SLC30A4: variants seen among roughly 807,000 people sequenced by gnomAD.
SLC30A4 encodes the protein probable proton-coupled zinc antiporter SLC30A4.
SLC30A4 carries 20 observed loss-of-function variants against 41.7 expected under a neutral mutation model. That is an observed-to-expected ratio of 0.48 (90% confidence interval 0.34 to 0.70). SLC30A4 has a LOEUF of 0.70. Among genes scored for constraint, SLC30A4 ranks in the 30% least tolerant of loss-of-function variants. The pLI, the probability that SLC30A4 is intolerant of heterozygous loss-of-function variation, is 0.01. For missense variants in SLC30A4, 441 were observed against 529.3 expected, an observed-to-expected ratio of 0.83 and a Z score of 1.64; for synonymous variants, 181 against 195.9, an observed-to-expected ratio of 0.92 and a Z score of 0.64.
intron 5 of SLC30A4, 116 bp downstream of exon 5, chr15:45,488,725 A>G (rs1354058516): frequency 2.7e-6 from 2 of 742,254 alleles, no homozygotes; most frequent in South Asian, 1.8e-5. Flanking sequence ...AACTTACATC[A>G]ATGTAAAATG....
intron 3 of SLC30A4, among the ~76,000 whole-genome samples, chr15:45,504,913 T>C (rs1892116294): frequency 1.3e-5 from 2 of 152,246 alleles, no homozygotes; most frequent in South Asian, 2.1e-4. Context: ...TTGCCTCTCA[T>C]GGGTCCTTGT....
At chr15:45,486,557 T>G in intron 7 of SLC30A4, 54 bp downstream of exon 7, 3 of 1,487,204 alleles carry the variant, frequency 2.0e-6, no homozygotes, top group Non-Finnish European at 2.7e-6. Context: ...GATGTTTAGT[T>G]TCAAAGGCAG....
At position 45,501,756 on chromosome 15, in the gene SLC30A4, T is replaced by C. The variant is rs560647624; in HGVS notation, c.538+9382A>G. ...AAGGGCTCAAGCAAACTTCCTACTATGGCCTCCCAAAATGCTGTGATTATA... is the reference window on the plus strand; with the variant it reads ...AAGGGCTCAAGCAAACTTCCTACTACGGCCTCCCAAAATGCTGTGATTATA... On this transcript the variant is annotated intron_variant, in intron 3 of 7. Coordinates refer to ENST00000261867, the MANE Select transcript of SLC30A4 (RefSeq NM_013309.6). 3.7e-4 allele frequency among the ~76,000 whole-genome samples: 56 copies of C among 152,264 alleles called. No homozygotes were observed. In the South Asian group the frequency reaches 0.011, roughly 31 times the overall value.
chr15:45,485,339 AT>A, intron 7 of SLC30A4, 22 bp from the exon 8 acceptor site: 1 of 1,544,358 alleles, frequency 6.5e-7, no homozygotes, highest in Non-Finnish European at 8.9e-7. Flanking sequence ...AGAAAATATC[AT>A]TACTATCCAT....
chr15:45,491,424 C>A (rs1891807940), intron 3 of SLC30A4, among the ~76,000 whole-genome samples: 1 of 152,148 alleles, frequency 6.6e-6, no homozygotes, highest in Non-Finnish European at 1.5e-5. Context: ...GAAAAAAGTA[C>A]ACTCAAAAGT....
In SLC30A4 at chr15:45,489,021, C is replaced by G; in HGVS notation, c.714G>C (p.Gln238His). The G allele has an allele frequency of 6.2e-7, 1 of 1,613,228 alleles. No homozygotes were observed. Among genetic ancestry groups the G allele is most frequent in the South Asian group, 1.1e-5 (1 of 90,952 alleles). Residue 238 changes from glutamine to histidine, a missense_variant, in exon 5 of 8, where the codon CAG becomes CAC. Gln to His is a conservative substitution (Grantham distance 24). Transcript: ENST00000261867. Reference sequence around the variant, plus strand: ...GGGAATGGGAGTGACGGTGACCAGACTGGTTCAACAGAAACCCCATTCTGT... The same window carrying G: ...GGGAATGGGAGTGACGGTGACCAGAGTGGTTCAACAGAAACCCCATTCTGT... ...VNVIMGFLLNQSGHRHSHSHS... is the reference protein window; with the variant it reads ...VNVIMGFLLNHSGHRHSHSHS...
intron 2 of SLC30A4, chr15:45,513,594 G>T (rs1892366520): frequency 6.6e-6 from 1 of 151,716 alleles, no homozygotes; most frequent in Non-Finnish European, 1.5e-5. Context: ...TTAGCCAAAA[G>T]CTTATACACA....
chr15:45,512,771 T>A (rs989174671), intron 2 of SLC30A4, among the ~76,000 whole-genome samples: 7 of 152,176 alleles, frequency 4.6e-5, no homozygotes, highest in Non-Finnish European at 8.8e-5. Context: ...ATAGAAATGT[T>A]CTGTATCTGA....
chr15:45,510,540 T>C (rs1484120293), intron 3 of SLC30A4, among the ~76,000 whole-genome samples: 1 of 152,248 alleles, frequency 6.6e-6, no homozygotes, highest in Admixed American at 6.5e-5. Flanking sequence ...AATTATTTTA[T>C]ACATATTTTC....
At chr15:45,505,336 C>G (rs146999333) in intron 3 of SLC30A4, among the ~76,000 whole-genome samples, 6 of 151,512 alleles carry the variant, frequency 4.0e-5, no homozygotes, top group Non-Finnish European at 7.4e-5. Flanking sequence ...AGAATGTGAT[C>G]TTTTAAAGCA....
rs1891621395 is a variant in SLC30A4 at position 45,482,708 on chromosome 15, AG to A, written c.*2454del. 1 of 152,168 alleles carries A rather than the reference AG, an allele frequency of 6.6e-6. No individual in the cohort carries two copies. Among genetic ancestry groups the A allele is most frequent in the African/African-American group, 2.4e-5 (1 of 41,456 alleles). The allele number at this position is 152,168 out of a possible 1,614,324, so 9.4% of individuals were successfully genotyped here. A position where few individuals can be genotyped will look rare whatever the true frequency, so the allele number is the denominator to read the frequency against. On this transcript the variant is annotated 3_prime_UTR_variant, in exon 8 of 8. Transcript: ENST00000261867. ...TATGTAAGAATATTTTGATTTAAAT[AG>A]TTTATATGCTCCTGAAATTTCTGAG...
At chr15:45,519,547 T>C (rs756337160) in intron 2 of SLC30A4, 1 of 152,226 alleles carries the variant, frequency 6.6e-6, no homozygotes, top group Non-Finnish European at 1.5e-5. Flanking sequence ...TTGTATACAG[T>C]TGAACTCTAT....
chr15:45,513,503 G>A (rs1892363936), intron 2 of SLC30A4, among the ~76,000 whole-genome samples: 1 of 150,122 alleles, frequency 6.7e-6, no homozygotes, highest in Non-Finnish European at 1.5e-5. Flanking sequence ...AAAAAGTAAG[G>A]ACCTCTGAAA....
chr15:45,518,424 A>G (rs1892559173), intron 2 of SLC30A4, among the ~76,000 whole-genome samples: 1 of 152,264 alleles, frequency 6.6e-6, no homozygotes, highest in Admixed American at 6.5e-5. Flanking sequence ...CAGAACATGT[A>G]GCACAGTGCC....
chr15:45,491,013 G>T (rs561457210), intron 3 of SLC30A4, 132 bp from the exon 4 acceptor site: 2 of 567,904 alleles, frequency 3.5e-6, no homozygotes, highest in Non-Finnish European at 5.7e-6. Flanking sequence ...TTTCTGTCAC[G>T]TCATTTTTCT....
Position 45,481,504 on chromosome 15 carries a change from C to T in SLC30A4, c.*3659G>A, listed in dbSNP as rs1891601542. On this transcript the variant is annotated 3_prime_UTR_variant, in exon 8 of 8. Transcript: ENST00000261867. ...AAGTAACTCTGATTATTTGCAAATACTAATTAAAATATATCACACCAAAGA... is the reference window on the plus strand; with the variant it reads ...AAGTAACTCTGATTATTTGCAAATATTAATTAAAATATATCACACCAAAGA... 6.6e-6 allele frequency: 1 copy of T among 152,174 alleles called. No homozygotes were observed. Among genetic ancestry groups the T allele is most frequent in the Non-Finnish European group, 1.5e-5 (1 of 68,038 alleles). 9.4% of individuals were successfully genotyped at this position (152,174 alleles called of 1,614,324 possible).
intron 2 of SLC30A4, among the ~76,000 whole-genome samples, chr15:45,518,679 C>T (rs147696991): frequency 6.6e-6 from 1 of 151,844 alleles, no homozygotes; most frequent in African/African-American, 2.4e-5. Context: ...CCTGCCACTT[C>T]AGCCTCCAGA....
chr15:45,522,001 G>C lies in SLC30A4; in HGVS notation c.354C>G (p.Ala118=), dbSNP rs1156962411. The change falls in exon 2 of 8, where the codon GCC becomes GCG. Residue 118 remains alanine (A), a synonymous_variant. Transcript: ENST00000261867. Reference sequence around the variant, plus strand: ...CAATCATGAAAAGCAAGTACAGAACGGCAGCAATGGTCAACCTGGCTTTCA... The same window carrying C: ...CAATCATGAAAAGCAAGTACAGAACCGCAGCAATGGTCAACCTGGCTTTCA... ...RKVKARLTIA[A]VLYLLFMIGE... 6.2e-7 allele frequency: 1 copy of C among 1,614,168 alleles called. No individual in the cohort carries two copies. Among genetic ancestry groups the C allele is most frequent in the East Asian group, 2.2e-5 (1 of 44,886 alleles).
intron 3 of SLC30A4, among the ~76,000 whole-genome samples, chr15:45,510,516 A>G (rs1412154305): frequency 6.6e-6 from 1 of 152,258 alleles, no homozygotes; most frequent in Non-Finnish European, 1.5e-5. Context: ...GTTACTTCAT[A>G]TAATAGTTCA....
Sources: allele counts gnomAD v4.1 joint callset (sites outside exome capture counted in the v4.1 genomes callset), GRCh38; gene constraint gnomAD v4.1.1; transcripts MANE v1.5; gene names NCBI Gene and HGNC (gene_info 2026-07-23, HGNC 2026-07-21).